BBS4: variants seen among roughly 807,000 people sequenced by gnomAD.
The protein encoded by BBS4 is BBSome complex member BBS4.
BBS4 carries 58 observed loss-of-function variants against 71.4 expected under a neutral mutation model. The ratio of observed to expected loss-of-function variants is 0.81; its 90% CI spans 0.66 to 1.01. BBS4 has a LOEUF of 1.01. Ranked by LOEUF, BBS4 falls within the 50% of genes least tolerant of loss-of-function variation. The pLI is 0.00. For missense variants in BBS4, 660 were observed against 607.9 expected, an observed-to-expected ratio of 1.09 and a Z score of -0.90; for synonymous variants, 228 against 216.8, an observed-to-expected ratio of 1.05 and a Z score of -0.46.
chr15:72,692,899 A>G (rs753049830), intron 1 of BBS4, among the ~76,000 whole-genome samples: 3 of 152,050 alleles, frequency 2.0e-5, no homozygotes, highest in Middle Eastern at 3.2e-3. Flanking sequence ...CACCTGGCTG[A>G]TCTATCTGTC....
intron 1 of BBS4, among the ~76,000 whole-genome samples, chr15:72,688,411 C>CTTTTTTTTTTTTTTTTTTCTTTT (rs2064916327): frequency 1.2e-5 from 1 of 83,052 alleles, no homozygotes; most frequent in Non-Finnish European, 2.1e-5. Context: ...GGTATTTTAT[C>CTTTTTTTTTTTTTTTTTTCTTTT]TTTTTTTTTT....
At chr15:72,688,411 C>CTTTTTT (rs58644289) in intron 1 of BBS4, among the ~76,000 whole-genome samples, 17,750 of 82,688 alleles carry the variant, frequency 0.21, 4,159 homozygotes, top group East Asian at 0.3. Context: ...GGTATTTTAT[C>CTTTTTT]TTTTTTTTTT....
intron 3 of BBS4, 129 bp downstream of exon 3, chr15:72,709,908 C>G (rs2065335196): frequency 1.3e-6 from 1 of 779,452 alleles, no homozygotes; most frequent in African/African-American, 1.7e-5. Flanking sequence ...CCCCATACTT[C>G]ATACACTGGT....
intron 13 of BBS4, chr15:72,735,594 C>T (rs768808318): frequency 9.8e-6 from 6 of 609,846 alleles, no homozygotes; most frequent in Non-Finnish European, 1.8e-5. Flanking sequence ...TAGGTAGTCT[C>T]TGTTGAGGGC....
At chr15:72,711,400 C>T (rs751778344) in intron 3 of BBS4, among the ~76,000 whole-genome samples, 5 of 152,034 alleles carry the variant, frequency 3.3e-5, no homozygotes, top group Non-Finnish European at 7.4e-5. Context: ...CTGCCCGCTT[C>T]GGCCACCCAA....
In BBS4 at chr15:72,736,143, A is replaced by G. The variant is rs60674997; in HGVS notation, c.1248+177A>G. On this transcript the variant is annotated intron_variant, in intron 14 of 15. Coordinates refer to ENST00000268057, the MANE Select transcript of BBS4 (RefSeq NM_033028.5). ...GCCTGAGAAAAACTTTCCTAGAATA[A>G]TAATAAAAGGAAATTCAGGCTTACT... Among the ~76,000 whole-genome samples, 18,803 of 152,162 alleles carry G rather than the reference A, an allele frequency of 0.12. 1,854 individuals carry two copies. Among genetic ancestry groups the G allele is most frequent in the East Asian group, 0.51 (2,643 of 5,166 alleles).
At chr15:72,700,673 A>G (rs560182217) in intron 2 of BBS4, among the ~76,000 whole-genome samples, 1 of 152,254 alleles carries the variant, frequency 6.6e-6, no homozygotes, top group South Asian at 2.1e-4. Context: ...TTCTGAATGT[A>G]CGTCCTTTGT....
intron 9 of BBS4, among the ~76,000 whole-genome samples, chr15:72,728,490 C>G (rs1348250032): frequency 6.6e-6 from 1 of 151,570 alleles, no homozygotes; most frequent in Non-Finnish European, 1.5e-5. Context: ...AGAGCCAGAT[C>G]CTGTCTCAGA....
chr15:72,731,867 C>T, intron 12 of BBS4, 141 bp downstream of exon 12: 1 of 1,134,318 alleles, frequency 8.8e-7, no homozygotes, highest in South Asian at 1.4e-5. Flanking sequence ...TGTCCTGGAG[C>T]TTGAAGAAAT....
In BBS4 at chr15:72,731,065, C is replaced by CTTTT. The variant is rs35004414; in HGVS notation, c.712-212_712-209dup. Reference sequence around the variant, plus strand: ...ATGGGTAAAGCAAGTAACATTTTATCTTTTTTTTTTTTTTTTTTTTTTTTT... The same window carrying CTTTT: ...ATGGGTAAAGCAAGTAACATTTTATCTTTTTTTTTTTTTTTTTTTTTTTTTTTTT... On this transcript the variant is annotated intron_variant, in intron 10 of 15. Transcript: ENST00000268057. Among the ~76,000 whole-genome samples the CTTTT allele has an allele frequency of 4.2e-3, 327 of 77,648 alleles. 2 individuals are homozygous for CTTTT. The highest frequency in any genetic ancestry group is 5.3e-3 in the Non-Finnish European group (222 of 41,822). 50.9% of individuals were successfully genotyped at this position (77,648 alleles called of 152,430 possible). A position where few individuals can be genotyped will look rare whatever the true frequency, so the allele number is the denominator to read the frequency against.
intron 12 of BBS4, 75 bp from the exon 13 acceptor site, chr15:72,735,038 C>G: frequency 9.1e-7 from 1 of 1,100,156 alleles, no homozygotes; most frequent in South Asian, 1.3e-5. Flanking sequence ...GTGAAGTTTA[C>G]TTTGGGGGTA....
At chr15:72,704,940 T>C (rs938268671) in intron 2 of BBS4, among the ~76,000 whole-genome samples, 1 of 151,884 alleles carries the variant, frequency 6.6e-6, no homozygotes, top group African/African-American at 2.4e-5. Context: ...GCAACAATAA[T>C]AGGTAACATT....
chr15:72,697,751 T>C (rs1567401013), intron 2 of BBS4, among the ~76,000 whole-genome samples: 1 of 152,194 alleles, frequency 6.6e-6, no homozygotes, highest in East Asian at 1.9e-4. Flanking sequence ...CACTCTTTCC[T>C]CCTCAGCTTG....
At chr15:72,731,195 C>G (rs1595947024) in intron 10 of BBS4, 110 bp from the exon 11 acceptor site, 2 of 1,280,234 alleles carry the variant, frequency 1.6e-6, no homozygotes, top group East Asian at 5.3e-5. Flanking sequence ...AAGAAATTTT[C>G]CAGTCCCATC....
chr15:72,706,777 C>A (rs1336132871), intron 2 of BBS4, among the ~76,000 whole-genome samples: 2 of 152,128 alleles, frequency 1.3e-5, no homozygotes, highest in East Asian at 1.9e-4. Flanking sequence ...TTTCTTCTTA[C>A]AAATTCCATT....
chr15:72,727,760 T>C (rs1252017904), intron 8 of BBS4, among the ~76,000 whole-genome samples, 180 bp from the exon 9 acceptor site: 1 of 152,216 alleles, frequency 6.6e-6, no homozygotes, highest in Non-Finnish European at 1.5e-5. Flanking sequence ...GTTCTCCTTA[T>C]CACCAGGGTT....
intron 2 of BBS4, among the ~76,000 whole-genome samples, chr15:72,706,134 T>C (rs958314556): frequency 6.6e-6 from 1 of 151,946 alleles, no homozygotes; most frequent in African/African-American, 2.4e-5. Flanking sequence ...CCCAGAACTA[T>C]TTATTTATTT....
At chr15:72,717,904 A>G (rs565647633) in intron 6 of BBS4, among the ~76,000 whole-genome samples, 15 of 152,270 alleles carry the variant, frequency 9.9e-5, no homozygotes, top group Admixed American at 3.9e-4. Context: ...GCTGGAGTGC[A>G]GTGGCGTGAT....
intron 14 of BBS4, among the ~76,000 whole-genome samples, chr15:72,736,387 G>A (rs1323429122): frequency 5.3e-5 from 8 of 151,860 alleles, no homozygotes; most frequent in Admixed American, 2.0e-4. Context: ...GACTACAGGC[G>A]CGTGCCACCA....
Sources: gnomAD v4.1 joint callset for allele counts (sites outside exome capture counted in the v4.1 genomes callset) on GRCh38, gnomAD v4.1.1 for gene constraint, MANE v1.5 for transcripts, NCBI Gene and HGNC (gene_info 2026-07-23, HGNC 2026-07-21) for gene names.